ANK3: variants seen among roughly 807,000 people sequenced by gnomAD.
ANK3 encodes the protein ankyrin 3.
Under a neutral mutation model 370.9 loss-of-function variants are expected in ANK3, and 57 were observed. The observed-to-expected ratio is 0.15, with a 90% CI of 0.12 to 0.19. The LOEUF (loss-of-function observed/expected upper bound fraction) is 0.19. ANK3 is among the 10% of genes least tolerant of loss of function. The pLI is 1.00. For missense variants in ANK3, 4,439 were observed against 5,302.1 expected (o/e 0.84, Z 5.06); for synonymous variants, 1,929 against 1,946.3 (o/e 0.99, Z 0.23).
intron 8 of ANK3, among the ~76,000 whole-genome samples, chr10:60,233,165 C>T (rs1036884278): frequency 1.3e-5 from 2 of 152,186 alleles, no homozygotes; most frequent in Admixed American, 6.5e-5. Flanking sequence ...TATTTCTGCC[C>T]TACTTTATGC....
rs529588201 is a variant in ANK3 at position 60,348,435 on chromosome 10, C to T, written c.114+40990G>A. Among the ~76,000 whole-genome samples the T allele has an allele frequency of 7.9e-5, 12 of 151,640 alleles. No individual in the cohort carries two copies. In the East Asian group the frequency reaches 1.6e-3, roughly 20 times the overall value. ...GAAGCACTGGCATTTGAAAACCTCC[C>T]GGAGACAGCAGTAGATAGTGACTAA... is the stretch of plus-strand genomic sequence containing the variant. On this transcript the variant is annotated intron_variant, in intron 1 of 43. Coordinates refer to ENST00000280772, the MANE Select transcript of ANK3 (RefSeq NM_020987.5).
chr10:60,228,000 TG>T (rs1487106874), intron 8 of ANK3, among the ~76,000 whole-genome samples: 3 of 152,164 alleles, frequency 2.0e-5, no homozygotes, highest in South Asian at 2.1e-4. Flanking sequence ...TACAGCAGCT[TG>T]GTTTTGTCCA....
intron 2 of ANK3, among the ~76,000 whole-genome samples, chr10:60,489,985 A>G (rs994094392): frequency 5.9e-5 from 9 of 152,042 alleles, no homozygotes; most frequent in African/African-American, 1.7e-4. Flanking sequence ...TGCTTTGGTG[A>G]TATCAGTTTC....
rs778278909 is a variant in ANK3 at position 60,059,362 on chromosome 10, A to G, written c.12664T>C (p.Leu4222=). Residue 4222 remains leucine, a synonymous_variant, in exon 41 of 44, where the codon TTA becomes CTA. Coordinates refer to ENST00000280772, the MANE Select transcript of ANK3 (RefSeq NM_020987.5). The part of the protein sequence containing the change: ...CAQARRVTGG[L]LDRLDDSPDQ... ...TACCTGTCATCCAGTCGATCTAGTA[A>G]CCCACCAGTTACTCTTCGAGCTTGA... The G allele has an allele frequency of 6.2e-7, 1 of 1,614,032 alleles. No individual in the cohort carries two copies. The highest frequency in any genetic ancestry group is 2.2e-5 in the East Asian group (1 of 44,852).
intron 25 of ANK3, among the ~76,000 whole-genome samples, chr10:60,127,156 C>G (rs1272072870): frequency 6.6e-6 from 1 of 152,116 alleles, no homozygotes; most frequent in African/African-American, 2.4e-5. Flanking sequence ...TTTCTCTTTC[C>G]CAAAAGGTTA....
At chr10:60,437,137 A>G (rs1003226894) in intron 2 of ANK3, among the ~76,000 whole-genome samples, 2 of 152,172 alleles carry the variant, frequency 1.3e-5, no homozygotes, top group Admixed American at 6.5e-5. Context: ...CAAATTCACA[A>G]TTACTATTTA....
upstream of ANK3, among the ~76,000 whole-genome samples, chr10:60,394,188 G>A (rs1050079743): frequency 6.7e-6 from 1 of 149,170 alleles, no homozygotes; most frequent in African/African-American, 2.5e-5. Context: ...GAGACCTAGA[G>A]CAGGTTTGGA....
At chr10:60,550,029 T>C (rs1465508601) in intron 2 of ANK3, among the ~76,000 whole-genome samples, 5 of 152,096 alleles carry the variant, frequency 3.3e-5, no homozygotes, top group Non-Finnish European at 5.9e-5. Flanking sequence ...TTTGTTTTCA[T>C]TGAAGTGAAC....
intron 36 of ANK3, 88 bp from the exon 37 acceptor site, chr10:60,076,536 G>C: frequency 1.4e-6 from 2 of 1,453,868 alleles, no homozygotes; most frequent in Non-Finnish European, 1.8e-6. Context: ...AAATTGGTCA[G>C]TAAACTTTGA....
chr10:60,685,386 T>C (rs1320499049), intron 1 of ANK3, among the ~76,000 whole-genome samples: 2 of 151,644 alleles, frequency 1.3e-5, no homozygotes, highest in African/African-American at 2.4e-5. Context: ...GAAATAAAAC[T>C]CTAAAGAGTG....
chr10:60,469,954 T>C (rs2065175492), intron 2 of ANK3, among the ~76,000 whole-genome samples: 1 of 151,946 alleles, frequency 6.6e-6, no homozygotes, highest in Non-Finnish European at 1.5e-5. Flanking sequence ...TGGTCAAAGA[T>C]AACTTCTATA....
chr10:60,544,049 T>C (rs1405717881), intron 2 of ANK3, among the ~76,000 whole-genome samples: 2 of 152,138 alleles, frequency 1.3e-5, no homozygotes, highest in African/African-American at 2.4e-5. Flanking sequence ...TCTGCCTGGC[T>C]TGCTACAGTG....
At chr10:60,420,444 G>GC (rs2063755515) in intron 2 of ANK3, among the ~76,000 whole-genome samples, 1 of 152,020 alleles carries the variant, frequency 6.6e-6, no homozygotes, top group Non-Finnish European at 1.5e-5. Flanking sequence ...GAGAGAGAAT[G>GC]ACCCCAGGCC....
At position 60,198,386 on chromosome 10, in the gene ANK3, G is replaced by A. The variant is rs1044264932; in HGVS notation, c.1643C>T (p.Ala548Val). The change falls in exon 14 of 44, where the codon GCC (alanine) becomes GTC (valine). Residue 548 changes from alanine to valine, a missense_variant. Transcript: ENST00000280772. Reference protein sequence around the residue: ...LSAREGHEDVAAFLLDHGASL... With the variant: ...LSAREGHEDVVAFLLDHGASL... Reference sequence around the variant, plus strand: ...CGCTCCATGATCCAAAAGGAACGCGGCCACATCCTCATGCCCCTCTCGGGC... The same window carrying A: ...CGCTCCATGATCCAAAAGGAACGCGACCACATCCTCATGCCCCTCTCGGGC... 6.2e-7 allele frequency: 1 copy of A among 1,614,206 alleles called. No individual in the cohort carries two copies. The highest frequency in any genetic ancestry group is 8.5e-7 in the Non-Finnish European group (1 of 1,180,032).
In ANK3 at chr10:60,056,009, G is replaced by C. The variant is rs776176499; in HGVS notation, c.12714C>G (p.Thr4238=). ...TGCCAGCTTCTCCTTTGAGATATGA[G>C]GTAATGGAATCTCTACACTGGTCAG... is the stretch of plus-strand genomic sequence containing the variant. ...DSPDQCRDSI[T]SYLKGEAGKF... The change falls in exon 42 of 44, where the codon ACC becomes ACG. Residue 4238 remains threonine, a synonymous_variant. Transcript: ENST00000280772. 8.1e-6 allele frequency: 13 copies of C among 1,613,182 alleles called. No individual in the cohort carries two copies. In the Admixed American group the frequency reaches 2.2e-4, roughly 27 times the overall value.
At chr10:60,206,889 C>T (rs900402431) in intron 10 of ANK3, among the ~76,000 whole-genome samples, 2 of 152,206 alleles carry the variant, frequency 1.3e-5, no homozygotes, top group African/African-American at 4.8e-5. Context: ...GGTGCTTTCA[C>T]CGAGGCTTCT....
At position 60,069,459 on chromosome 10, in the gene ANK3, G is replaced by T. The variant is rs1475431412; in HGVS notation, c.11422C>A (p.Leu3808Met). The part of the protein sequence containing the change: ...QTDNIMSNIV[L>M]TEHSAPTCTT... ...CAAGTGGGTGCAGAATGTTCTGTCA[G>T]AACTATATTACTCATAATGTTATCT... The change falls in exon 37 of 44, where the codon CTG becomes ATG. Residue 3808 changes from leucine (L) to methionine (M), a missense_variant. Around this residue, in one of 13 missense-constraint regions of ANK3, gnomAD observed 496 missense variants for 529.3 expected, o/e 0.94. Coordinates refer to ENST00000280772, the MANE Select transcript of ANK3 (RefSeq NM_020987.5). 3 of 1,613,854 alleles carry T rather than the reference G, an allele frequency of 1.9e-6. No individual in the cohort carries two copies. Among genetic ancestry groups the T allele is most frequent in the Non-Finnish European group, 1.7e-6 (2 of 1,179,962 alleles).
At chr10:60,054,999 G>A (rs2078875910) in intron 42 of ANK3, among the ~76,000 whole-genome samples, 1 of 152,012 alleles carries the variant, frequency 6.6e-6, no homozygotes, top group Admixed American at 6.6e-5. Context: ...TACCACAAAA[G>A]TACAAAGAAC....
At chr10:60,431,897 A>G (rs181900066) in intron 2 of ANK3, among the ~76,000 whole-genome samples, 1 of 152,232 alleles carries the variant, frequency 6.6e-6, no homozygotes, top group East Asian at 1.9e-4. Context: ...TGCCCTTCTG[A>G]CTCATTCCTT....
Sources: gnomAD v4.1 joint callset for allele counts (sites outside exome capture counted in the v4.1 genomes callset) on GRCh38, gnomAD v4.1.1 for gene constraint, gnomAD v4.1.1 regional missense constraint, MANE v1.5 for transcripts, NCBI Gene and HGNC (gene_info 2026-07-23, HGNC 2026-07-21) for gene names.